FAR2: variants seen among roughly 807,000 people sequenced by gnomAD.
The protein encoded by FAR2 is epididymis secretory protein Li 81.
Under a neutral mutation model 56.0 loss-of-function variants are expected in FAR2, and 19 were observed. That is an observed-to-expected ratio of 0.34 (90% CI 0.24 to 0.50). The LOEUF is 0.50. FAR2 is among the 20% of genes least tolerant of loss of function. The pLI is 0.98. For synonymous variants in FAR2, 219 were observed against 218.8 expected (o/e 1.00, Z -0.01); for missense variants, 508 against 642.2 (o/e 0.79, Z 2.26).
At chr12:29,269,069 G>A (rs752124253) in intron 1 of FAR2, among the ~76,000 whole-genome samples, 1 of 152,170 alleles carries the variant, frequency 6.6e-6, no homozygotes, top group Non-Finnish European at 1.5e-5. Context: ...CTTATCAGGA[G>A]ACAGGATTTT....
chr12:29,214,670 A>T (rs553020779), intron 1 of FAR2, among the ~76,000 whole-genome samples: 1 of 152,168 alleles, frequency 6.6e-6, no homozygotes, highest in East Asian at 1.9e-4. Context: ...AAAATAAAAA[A>T]ATTAGCTAGG....
chr12:29,246,797 CTT>C (rs1948134701), intron 1 of FAR2, among the ~76,000 whole-genome samples: 2 of 151,922 alleles, frequency 1.3e-5, no homozygotes, highest in Admixed American at 1.3e-4. Context: ...ATGCCTAAAA[CTT>C]TTGCTGATTT....
intron 1 of FAR2, among the ~76,000 whole-genome samples, chr12:29,248,586 C>G (rs930829857): frequency 2.6e-5 from 4 of 152,202 alleles, no homozygotes; most frequent in African/African-American, 9.7e-5. Context: ...ATTAAAATTG[C>G]TAATGAAGTT....
At chr12:29,249,345 T>C (rs1948174162) in intron 1 of FAR2, among the ~76,000 whole-genome samples, 1 of 152,232 alleles carries the variant, frequency 6.6e-6, no homozygotes, top group South Asian at 2.1e-4. Flanking sequence ...GCAATAGTAG[T>C]ACAATAAGTT....
chr12:29,255,139 C>G (rs1042234727), intron 1 of FAR2, among the ~76,000 whole-genome samples: 1 of 148,198 alleles, frequency 6.7e-6, no homozygotes, highest in African/African-American at 2.5e-5. Flanking sequence ...TCAACAGACC[C>G]TTATATTCTC....
chr12:29,291,815 C>A (rs767006189), intron 2 of FAR2, among the ~76,000 whole-genome samples: 5 of 152,160 alleles, frequency 3.3e-5, no homozygotes, highest in Non-Finnish European at 7.3e-5. Flanking sequence ...GGTGAGATTC[C>A]TGACAGGGCA....
chr12:29,214,667 A>G (rs943967285), intron 1 of FAR2, among the ~76,000 whole-genome samples: 12 of 152,036 alleles, frequency 7.9e-5, no homozygotes, highest in African/African-American at 2.7e-4. Context: ...CTAAAAATAA[A>G]AAAATTAGCT....
chr12:29,172,546 G>A (rs1032042961), intron 1 of FAR2, among the ~76,000 whole-genome samples: 2 of 152,088 alleles, frequency 1.3e-5, no homozygotes, highest in African/African-American at 4.8e-5. Flanking sequence ...TTCCTTTTCG[G>A]CCTGTTCCCC....
intron 1 of FAR2, among the ~76,000 whole-genome samples, chr12:29,186,970 A>G (rs1055674380): frequency 4.6e-5 from 7 of 151,902 alleles, no homozygotes; most frequent in Non-Finnish European, 1.0e-4. Flanking sequence ...TTGTATTTTT[A>G]GTAGAGACGG....
chr12:29,301,988 C>T (rs1254865991), intron 4 of FAR2: 3 of 152,154 alleles, frequency 2.0e-5, no homozygotes, highest in African/African-American at 7.3e-5. Context: ...AATCCCAGCA[C>T]TTTGGGAGGC....
intron 8 of FAR2, among the ~76,000 whole-genome samples, chr12:29,312,410 A>G (rs932726543): frequency 4.7e-4 from 71 of 152,260 alleles, no homozygotes; most frequent in African/African-American, 1.7e-3. Flanking sequence ...CTGATCATTA[A>G]TTTATGCAGC....
At chr12:29,195,302 C>A (rs1245695831) in intron 1 of FAR2, among the ~76,000 whole-genome samples, 1 of 152,190 alleles carries the variant, frequency 6.6e-6, no homozygotes, top group African/African-American at 2.4e-5. Flanking sequence ...AAACTACTAT[C>A]TACCATCTAC....
intron 1 of FAR2, among the ~76,000 whole-genome samples, chr12:29,150,713 G>A (rs1223163244): frequency 6.6e-6 from 1 of 152,160 alleles, no homozygotes; most frequent in Non-Finnish European, 1.5e-5. Flanking sequence ...CCAGGCCGAC[G>A]CGTGTGTCAA....
chr12:29,277,263 A>G (rs1007744454), intron 2 of FAR2: 1 of 152,264 alleles, frequency 6.6e-6, no homozygotes, highest in Admixed American at 6.5e-5. Flanking sequence ...GGCATGAGCC[A>G]TCACGCCTGG....
At chr12:29,295,027 T>C (rs1048801860) in intron 3 of FAR2, among the ~76,000 whole-genome samples, 2 of 152,236 alleles carry the variant, frequency 1.3e-5, no homozygotes, top group African/African-American at 4.8e-5. Flanking sequence ...CTGTATCATT[T>C]TAATTACTGT....
rs117108128 is a variant in FAR2 at position 29,321,995 on chromosome 12, A to G, written c.1257+71A>G. ...GGAATTTAGAATTATTTGATTTGGA[A>G]AGCTGATGAATGAATAAGACGTTTG... On this transcript the variant is annotated intron_variant, in intron 10 of 11. Coordinates refer to ENST00000536681, the MANE Select transcript of FAR2 (RefSeq NM_001271783.2). The G allele has an allele frequency of 8.7e-3, 13,143 of 1,515,360 alleles. 83 individuals are homozygous for G. Among genetic ancestry groups the G allele is most frequent in the Non-Finnish European group, 0.01 (11,600 of 1,126,296 alleles). 93.9% of individuals were successfully genotyped at this position (1,515,360 alleles called of 1,614,324 possible). A position where few individuals can be genotyped will look rare whatever the true frequency, so the allele number is the denominator to read the frequency against.
intron 4 of FAR2, among the ~76,000 whole-genome samples, chr12:29,302,389 G>T (rs1449355922): frequency 6.6e-6 from 1 of 152,128 alleles, no homozygotes; most frequent in East Asian, 1.9e-4. Context: ...GTGGAGGGAG[G>T]CATATGAGAA....
chr12:29,323,975 T>G (rs1461650736), intron 10 of FAR2, among the ~76,000 whole-genome samples: 1 of 151,804 alleles, frequency 6.6e-6, no homozygotes, highest in Non-Finnish European at 1.5e-5. Context: ...TTCGAACCAA[T>G]GGCAAAGAAG....
intron 2 of FAR2, among the ~76,000 whole-genome samples, chr12:29,290,188 G>A (rs1305058311): frequency 6.6e-6 from 1 of 152,162 alleles, no homozygotes; most frequent in African/African-American, 2.4e-5. Flanking sequence ...GCTCATGCCT[G>A]TAATCCCAGC....
Sources: gnomAD v4.1 joint callset for allele counts (sites outside exome capture counted in the v4.1 genomes callset) on GRCh38, gnomAD v4.1.1 for gene constraint, MANE v1.5 for transcripts, NCBI Gene and HGNC (gene_info 2026-07-23, HGNC 2026-07-21) for gene names.